Variants in RNF122 observed in about 807,000 individuals in gnomAD.
RNF122 encodes ring finger protein 122.
RNF122 carries 17 observed loss-of-function variants against 24.2 expected under a neutral mutation model. The observed-to-expected ratio is 0.70, with a 90% CI of 0.48 to 1.06. The LOEUF is 1.06. RNF122 is among the 50% of genes least tolerant of loss of function. The probability of loss-of-function intolerance (pLI) is 0.00; values close to 1 mark genes in which losing one functional copy is unlikely to be tolerated. For synonymous variants in RNF122, 65 were observed against 71.8 expected, an observed-to-expected ratio of 0.91 and a Z score of 0.48; for missense variants, 168 against 198.1, an observed-to-expected ratio of 0.85 and a Z score of 0.91.
At chr8:33,563,980 A>G (rs1040241667) in intron 1 of RNF122, among the ~76,000 whole-genome samples, 2 of 152,154 alleles carry the variant, frequency 1.3e-5, no homozygotes, top group Non-Finnish European at 2.9e-5. Flanking sequence ...CACTGATTGA[A>G]TCAGTGAGCT....
chr8:33,555,186 G>GTT (rs113014976), intron 2 of RNF122, among the ~76,000 whole-genome samples: 7,777 of 151,698 alleles, frequency 0.051, 636 homozygotes, highest in African/African-American at 0.17. Flanking sequence ...TGTTTTTTGT[G>GTT]TTTTTTTGGG....
intron 2 of RNF122, among the ~76,000 whole-genome samples, chr8:33,557,935 G>A (rs1413418752): frequency 2.6e-5 from 4 of 152,118 alleles, no homozygotes; most frequent in African/African-American, 9.7e-5. Context: ...TTGAGCTCAG[G>A]AGTTCGAGAC....
At position 33,551,385 on chromosome 8, in the gene RNF122, G is replaced by T. The variant is rs778248944; in HGVS notation, c.187C>A (p.Leu63Met). Residue 63 changes from leucine (L) to methionine (M), a missense_variant, in exon 3 of 6, where the codon CTG (leucine) becomes ATG (methionine). By Grantham distance (15) the Leu-to-Met change is conservative (BLOSUM62 2). Transcript: ENST00000256257. ...LIFCCYFISK[L>M]RNQAQSERYG... Reference sequence around the variant, plus strand: ...CGCTCACTCTGTGCCTGGTTCCGCAGTTTGCTGGGAGAAAGAGAAAAAAAT... The same window carrying T: ...CGCTCACTCTGTGCCTGGTTCCGCATTTTGCTGGGAGAAAGAGAAAAAAAT... 1.2e-6 allele frequency: 2 copies of T among 1,614,146 alleles called. No homozygotes were observed. Among genetic ancestry groups the T allele is most frequent in the Non-Finnish European group, 1.7e-6 (2 of 1,179,998 alleles).
chr8:33,552,737 C>T (rs1406143149), intron 2 of RNF122, among the ~76,000 whole-genome samples: 1 of 152,120 alleles, frequency 6.6e-6, no homozygotes, highest in Non-Finnish European at 1.5e-5. Context: ...ATCTTACATG[C>T]TGAACTCTGC....
At position 33,551,085 on chromosome 8, in the gene RNF122, C is replaced by A. The variant is rs1810367108; in HGVS notation, c.229G>T (p.Val77Leu). ...AQSERYGYKE[V>L]VLKGDAKKLQ... Reference sequence around the variant, plus strand: ...TTCTTGGCATCACCTTTAAGCACCACCTGAAAAGAAAGAGGAGGCATGATG... The same window carrying A: ...TTCTTGGCATCACCTTTAAGCACCAACTGAAAAGAAAGAGGAGGCATGATG... The change falls in exon 4 of 6, where the codon GTG becomes TTG. Residue 77 changes from valine (V) to leucine (L), a missense_variant and splice_region_variant. Coordinates refer to ENST00000256257, the MANE Select transcript of RNF122 (RefSeq NM_024787.3). 1.2e-6 allele frequency: 2 copies of A among 1,613,972 alleles called. No homozygotes were observed. Among genetic ancestry groups the A allele is most frequent in the African/African-American group, 1.3e-5 (1 of 74,892 alleles).
chr8:33,557,233 T>C (rs994310162), intron 2 of RNF122, among the ~76,000 whole-genome samples: 1 of 152,216 alleles, frequency 6.6e-6, no homozygotes, highest in Non-Finnish European at 1.5e-5. Flanking sequence ...AACAGTCCCA[T>C]ACAATGAGGA....
Position 33,558,623 on chromosome 8 carries a change from A to T in RNF122, c.174T>A (p.Tyr58Ter). The stretch of plus-strand genomic sequence containing the variant: ...GCCAGGGATCCACGCACCTGATAAA[A>T]TAGCAGCAGAAGATAAGGCTGAGCA... Reference protein sequence around the residue: ...VFMLSLIFCCYFISKLRNQAQ... With the variant: ...VFMLSLIFCC The change falls in exon 2 of 6, where the codon TAT becomes TAA. Residue 58 changes from tyrosine to a stop codon, truncating the protein, a stop_gained. Transcript: ENST00000256257. LOFTEE classifies it high-confidence loss of function. 1 of 1,605,620 alleles carries T rather than the reference A, an allele frequency of 6.2e-7. No individual in the cohort carries two copies. Among genetic ancestry groups the T allele is most frequent in the East Asian group, 2.2e-5 (1 of 44,788 alleles).
intron 2 of RNF122, among the ~76,000 whole-genome samples, chr8:33,555,871 T>TA (rs1172155314): frequency 6.6e-6 from 1 of 152,074 alleles, no homozygotes; most frequent in Admixed American, 6.6e-5. Context: ...AAGCCCTTGG[T>TA]AAAGAGTGGC....
At chr8:33,553,070 C>CAAAA (rs34104851) in intron 2 of RNF122, among the ~76,000 whole-genome samples, 3 of 103,448 alleles carry the variant, frequency 2.9e-5, no homozygotes, top group Non-Finnish European at 5.7e-5. Context: ...GACCCTGTCT[C>CAAAA]AAAAAAAAAA....
At chr8:33,550,416 G>C (rs886107794) in intron 4 of RNF122, among the ~76,000 whole-genome samples, 4 of 152,208 alleles carry the variant, frequency 2.6e-5, no homozygotes, top group African/African-American at 9.7e-5. Context: ...TCTGCTCCCA[G>C]ACAACCACAA....
intron 3 of RNF122, 47 bp from the exon 4 acceptor site, chr8:33,551,132 G>A: frequency 6.2e-7 from 1 of 1,605,082 alleles, no homozygotes; most frequent in Non-Finnish European, 8.5e-7. Flanking sequence ...ACCAACCACT[G>A]GGGCCAGCCA....
chr8:33,553,568 C>CA (rs35873889), intron 2 of RNF122, among the ~76,000 whole-genome samples: 1 of 151,432 alleles, frequency 6.6e-6, no homozygotes, highest in Non-Finnish European at 1.5e-5. Flanking sequence ...GAGACTCTGG[C>CA]AAAAAAATTT....
At chr8:33,566,304 G>A (rs1484690776) in intron 1 of RNF122, among the ~76,000 whole-genome samples, 1 of 152,200 alleles carries the variant, frequency 6.6e-6, no homozygotes, top group Non-Finnish European at 1.5e-5. Flanking sequence ...GTTTCAGGCC[G>A]GGAACTTGAG....
chr8:33,564,206 C>T (rs553261673), intron 1 of RNF122, among the ~76,000 whole-genome samples: 2 of 152,102 alleles, frequency 1.3e-5, no homozygotes, highest in South Asian at 4.1e-4. Context: ...GGAAGGGTTG[C>T]TTCTTCACAG....
intron 1 of RNF122, among the ~76,000 whole-genome samples, chr8:33,565,517 G>A (rs1387276646): frequency 6.6e-6 from 1 of 152,158 alleles, no homozygotes; most frequent in East Asian, 1.9e-4. Flanking sequence ...ACTGGAGCGG[G>A]TGGGGTGGGG....
At chr8:33,564,749 G>A (rs1056196087) in intron 1 of RNF122, among the ~76,000 whole-genome samples, 1 of 152,102 alleles carries the variant, frequency 6.6e-6, no homozygotes, top group Non-Finnish European at 1.5e-5. Context: ...GCACATGCCT[G>A]TAATCCCAGG....
chr8:33,566,266 G>C (rs1013550928), intron 1 of RNF122, among the ~76,000 whole-genome samples: 3 of 152,110 alleles, frequency 2.0e-5, no homozygotes, highest in South Asian at 4.1e-4. Context: ...CACGCTGCAC[G>C]GTATACATAT....
At chr8:33,551,429 T>C (rs775492256) in intron 2 of RNF122, 40 bp from the exon 3 acceptor site, 10 of 1,609,810 alleles carry the variant, frequency 6.2e-6, no homozygotes, top group South Asian at 2.2e-5. Context: ...GCAGGTTAAA[T>C]GGAACAATTC....
chr8:33,559,987 G>A lies in RNF122; in HGVS notation c.26-1216C>T, dbSNP rs144404394. Among the ~76,000 whole-genome samples the A allele has an allele frequency of 4.9e-3, 750 of 151,680 alleles. 4 individuals carry two copies. Among genetic ancestry groups the A allele is most frequent in the Admixed American group, 9.0e-3 (137 of 15,208 alleles). ...CTCCCGAGTAGCTGGGATTATAGGC[G>A]CACGCCACCATGCCCGGCTAATTTT... On this transcript the variant is annotated intron_variant, in intron 1 of 5. Coordinates refer to ENST00000256257, the MANE Select transcript of RNF122 (RefSeq NM_024787.3).
Sources: allele counts gnomAD v4.1 joint callset (sites outside exome capture counted in the v4.1 genomes callset), GRCh38; gene constraint gnomAD v4.1.1; transcripts MANE v1.5; gene names NCBI Gene and HGNC (gene_info 2026-07-23, HGNC 2026-07-21).